The following PDE4B variants were observed in gnomAD, a reference collection of about 807,000 sequenced individuals.
PDE4B encodes phosphodiesterase 4B, also known as 3',5'-cyclic-AMP phosphodiesterase 4B.
In PDE4B, 20 loss-of-function variants were observed where a neutral mutation model predicts 82.2. The ratio of observed to expected loss-of-function variants is 0.24; its 90% CI spans 0.17 to 0.35. The LOEUF (loss-of-function observed/expected upper bound fraction) is 0.35. Among genes scored for constraint, PDE4B ranks in the 10% least tolerant of loss-of-function variants. The probability of loss-of-function intolerance (pLI) is 1.00; values close to 1 mark genes in which losing one functional copy is unlikely to be tolerated. For synonymous variants in PDE4B, 320 were observed against 318.9 expected, an observed-to-expected ratio of 1.00 and a Z score of -0.04; for missense variants, 655 against 907.2, an observed-to-expected ratio of 0.72 and a Z score of 3.57.
chr1:66,118,690 A>G (rs939871017), intron 3 of PDE4B, among the ~76,000 whole-genome samples: 1 of 152,176 alleles, frequency 6.6e-6, no homozygotes, highest in African/African-American at 2.4e-5. Flanking sequence ...TGTTGTGCAC[A>G]TGTACCCTAA....
intron 3 of PDE4B, among the ~76,000 whole-genome samples, chr1:66,048,328 A>G (rs1355953863): frequency 2.6e-5 from 4 of 151,942 alleles, no homozygotes; most frequent in Non-Finnish European, 5.9e-5. Context: ...AATCAACTCC[A>G]CTGTCCTCCT....
intron 3 of PDE4B, among the ~76,000 whole-genome samples, chr1:66,240,010 G>A (rs1216536733): frequency 1.3e-5 from 2 of 152,248 alleles, no homozygotes; most frequent in African/African-American, 2.4e-5. Flanking sequence ...TGCTGTGTGT[G>A]GTCATTGGGC....
chr1:66,129,138 T>C (rs1315735924), intron 3 of PDE4B, among the ~76,000 whole-genome samples: 3 of 152,234 alleles, frequency 2.0e-5, no homozygotes, highest in Non-Finnish European at 4.4e-5. Flanking sequence ...TGTTTGCATC[T>C]AGAGACGTTG....
intron 7 of PDE4B, among the ~76,000 whole-genome samples, chr1:66,294,821 G>T (rs1364354747): frequency 1.3e-5 from 2 of 152,006 alleles, no homozygotes; most frequent in African/African-American, 4.8e-5. Flanking sequence ...AATCCAAAAA[G>T]AATTTTCAGG....
chr1:66,242,286 C>T (rs1039135458), intron 3 of PDE4B, among the ~76,000 whole-genome samples: 2 of 152,138 alleles, frequency 1.3e-5, no homozygotes, highest in African/African-American at 4.8e-5. Flanking sequence ...AAAGAATTAG[C>T]CTGCCAGAGT....
chr1:65,935,935 C>T (rs895641649), intron 3 of PDE4B, among the ~76,000 whole-genome samples: 3 of 151,888 alleles, frequency 2.0e-5, no homozygotes, highest in Non-Finnish European at 2.9e-5. Context: ...GAAATTCTGT[C>T]TCAAAAAAAA....
chr1:66,041,191 C>T (rs1278434935), intron 3 of PDE4B, among the ~76,000 whole-genome samples: 1 of 151,884 alleles, frequency 6.6e-6, no homozygotes, highest in East Asian at 1.9e-4. Flanking sequence ...TATAATGGCA[C>T]AAAGATAAAC....
intron 3 of PDE4B, chr1:66,152,610 ATATATATATT>A (rs1007595991): frequency 7.2e-6 from 1 of 138,444 alleles, no homozygotes; most frequent in Non-Finnish European, 1.5e-5. Context: ...GTGTATACAC[ATATATATATT>A]TATATATGTG....
chr1:65,921,211 G>A lies in PDE4B; in HGVS notation c.281+2376G>A, dbSNP rs3009870. Among the ~76,000 whole-genome samples, 3,350 of 151,658 alleles carry A rather than the reference G, an allele frequency of 0.022. 230 individuals carry two copies. The East Asian group carries it at 0.24, about 11-fold the overall frequency. On this transcript the variant is annotated intron_variant, in intron 3 of 16. Transcript: ENST00000341517. Reference sequence around the variant, plus strand: ...TCTCGATCTCCTGACCTCGTGATCCGCCCGCCTCGGCCTCCCAAAGTGCTG... The same window carrying A: ...TCTCGATCTCCTGACCTCGTGATCCACCCGCCTCGGCCTCCCAAAGTGCTG...
intron 3 of PDE4B, among the ~76,000 whole-genome samples, chr1:65,999,304 C>A: frequency 6.6e-6 from 1 of 152,244 alleles, no homozygotes; most frequent in East Asian, 1.9e-4. Flanking sequence ...AGCATTTAAG[C>A]GATTTCTTAG....
intron 3 of PDE4B, among the ~76,000 whole-genome samples, chr1:66,123,538 C>T (rs778381747): frequency 6.6e-6 from 1 of 151,310 alleles, no homozygotes; most frequent in Admixed American, 6.6e-5. Flanking sequence ...CCTTTTCTCC[C>T]TCTCTCCCTC....
At chr1:66,047,408 C>T (rs890567800) in intron 3 of PDE4B, among the ~76,000 whole-genome samples, 2 of 151,728 alleles carry the variant, frequency 1.3e-5, no homozygotes, top group African/African-American at 4.8e-5. Context: ...TTGTTGTTAT[C>T]CAAAGAGAAG....
At chr1:65,800,679 C>A (rs955189771) in intron 1 of PDE4B, among the ~76,000 whole-genome samples, 1 of 152,096 alleles carries the variant, frequency 6.6e-6, no homozygotes, top group Admixed American at 6.5e-5. Flanking sequence ...TAGGCCCATG[C>A]AATTAAGTAT....
At chr1:66,128,371 T>A (rs1645866459) in intron 3 of PDE4B, among the ~76,000 whole-genome samples, 1 of 152,358 alleles carries the variant, frequency 6.6e-6, no homozygotes, top group Middle Eastern at 3.4e-3. Flanking sequence ...ATTGAATTTT[T>A]AAAAAATTAA....
intron 3 of PDE4B, among the ~76,000 whole-genome samples, chr1:66,057,157 C>T (rs938824429): frequency 6.6e-6 from 1 of 152,154 alleles, no homozygotes. Flanking sequence ...CATGAACTTG[C>T]ATAGAGGGAA....
At chr1:65,849,767 C>T (rs6684621) in intron 1 of PDE4B, among the ~76,000 whole-genome samples, 80,294 of 152,034 alleles carry the variant, frequency 0.53, 21,431 homozygotes, top group Non-Finnish European at 0.57. Context: ...AGAAACATAC[C>T]AGAACCAGAA....
intron 3 of PDE4B, among the ~76,000 whole-genome samples, chr1:66,074,919 A>G (rs1316565813): frequency 2.0e-5 from 3 of 152,032 alleles, no homozygotes; most frequent in Non-Finnish European, 2.9e-5. Context: ...GCTTTTGGCT[A>G]TCGTGAATAG....
chr1:66,084,032 C>T (rs1041970300), intron 3 of PDE4B, among the ~76,000 whole-genome samples: 2 of 152,158 alleles, frequency 1.3e-5, no homozygotes, highest in African/African-American at 2.4e-5. Context: ...TTGTCATCCT[C>T]AGCCATTGAG....
chr1:66,171,695 T>C (rs969350471), intron 3 of PDE4B, among the ~76,000 whole-genome samples: 12 of 152,152 alleles, frequency 7.9e-5, no homozygotes, highest in African/African-American at 2.9e-4. Context: ...CAAGCAGGCC[T>C]GAGCTTTAAT....
Sources: gnomAD v4.1 joint callset for allele counts (sites outside exome capture counted in the v4.1 genomes callset) on GRCh38, gnomAD v4.1.1 for gene constraint, MANE v1.5 for transcripts, NCBI Gene and HGNC (gene_info 2026-07-23, HGNC 2026-07-21) for gene names.